The following RBFOX1 variants were observed in gnomAD, a reference collection of about 807,000 sequenced individuals.
RBFOX1 encodes the protein RNA binding protein fox-1 homolog 1.
Under a neutral mutation model 57.7 loss-of-function variants are expected in RBFOX1, and 8 were observed. The observed-to-expected ratio is 0.14, with a 90% CI of 0.08 to 0.25. The LOEUF is 0.25. Among genes scored for constraint, RBFOX1 ranks in the 10% least tolerant of loss-of-function variants. The pLI, the probability that RBFOX1 is intolerant of heterozygous loss-of-function variation, is 1.00. For synonymous variants in RBFOX1, 326 were observed against 222.4 expected (o/e 1.47, Z -4.15); for missense variants, 611 against 548.5 (o/e 1.11, Z -1.14).
At chr16:6,595,257 C>G (rs1399666150) in intron 2 of RBFOX1, among the ~76,000 whole-genome samples, 1 of 152,210 alleles carries the variant, frequency 6.6e-6, no homozygotes, top group Non-Finnish European at 1.5e-5. Context: ...GCATTCTGCT[C>G]TATCTCTATA....
intron 3 of RBFOX1, among the ~76,000 whole-genome samples, chr16:6,676,470 G>C (rs1179048478): frequency 6.6e-6 from 1 of 151,938 alleles, no homozygotes; most frequent in Non-Finnish European, 1.5e-5. Flanking sequence ...GAGGCAGAAA[G>C]GTCCTGAATG....
At position 7,336,259 on chromosome 16, in the gene RBFOX1, G is replaced by C. The variant is rs113470919; in HGVS notation, c.28-181888G>C. ...AAACAACAGCTTTGTAACTGGTTAG[G>C]CTATTTGGTTAGTGTTTGGGTCTAA... On this transcript the variant is annotated intron_variant, in intron 4 of 15. Coordinates refer to ENST00000550418, the MANE Select transcript of RBFOX1 (RefSeq NM_018723.4). Among the ~76,000 whole-genome samples, 586 of 152,280 alleles carry C rather than the reference G, an allele frequency of 3.8e-3. 6 individuals are homozygous for C. The highest frequency in any genetic ancestry group is 0.013 in the African/African-American group (558 of 41,558).
chr16:5,368,951 C>G (rs1357180440), intron 1 of RBFOX1, among the ~76,000 whole-genome samples: 1 of 152,164 alleles, frequency 6.6e-6, no homozygotes, highest in Non-Finnish European at 1.5e-5. Flanking sequence ...AACTTTAGCT[C>G]ACGTTCTTGG....
chr16:6,737,513 G>A (rs1160953881), intron 3 of RBFOX1, among the ~76,000 whole-genome samples: 1 of 152,136 alleles, frequency 6.6e-6, no homozygotes, highest in Non-Finnish European at 1.5e-5. Context: ...ACTACGTGGT[G>A]GCTATGAACT....
Position 6,416,646 on chromosome 16 carries a change from T to C in RBFOX1, c.-64+99589T>C, listed in dbSNP as rs111446302. 3.8e-4 allele frequency among the ~76,000 whole-genome samples: 58 copies of C among 152,290 alleles called. 1 individual carries two copies. Among genetic ancestry groups the C allele is most frequent in the African/African-American group, 1.4e-3 (58 of 41,576 alleles). ...AAGAACCCCAAGGCGTGTGTGCTTT[T>C]AAACAAAAAGAAAGTCTAAGGGAGA... On this transcript the variant is annotated intron_variant, in intron 2 of 15. Transcript: ENST00000550418.
intron 4 of RBFOX1, among the ~76,000 whole-genome samples, chr16:7,339,352 T>C (rs554852961): frequency 3.9e-5 from 6 of 152,308 alleles, no homozygotes; most frequent in East Asian, 1.9e-4. Flanking sequence ...CAACAGGAAG[T>C]TGATATTCTA....
chr16:5,261,242 C>G (rs756614358), intron 1 of RBFOX1, among the ~76,000 whole-genome samples: 1 of 152,184 alleles, frequency 6.6e-6, no homozygotes, highest in Non-Finnish European at 1.5e-5. Flanking sequence ...ACCACCTTTT[C>G]TTTCTGTTCT....
intron 2 of RBFOX1, among the ~76,000 whole-genome samples, chr16:5,565,314 C>T (rs2046026744): frequency 1.3e-5 from 2 of 152,108 alleles, no homozygotes; most frequent in Non-Finnish European, 2.9e-5. Flanking sequence ...TGCATGTGCA[C>T]ATACCACTAC....
Position 6,629,973 on chromosome 16 carries a change from TAAA to T in RBFOX1, c.-63-24620_-63-24618del, listed in dbSNP as rs146210467. On this transcript the variant is annotated intron_variant, in intron 2 of 15. Transcript: ENST00000550418. The stretch of plus-strand genomic sequence containing the variant: ...TATTTCGGTAGGTTTTTTTTTTTTT[TAAA>T]AAAAAAAAAGACCATTGCTTTCAGA... 7.5e-3 allele frequency among the ~76,000 whole-genome samples: 976 copies of T among 129,968 alleles called. 19 individuals carry two copies. Among genetic ancestry groups the T allele is most frequent in the African/African-American group, 0.026 (907 of 35,332 alleles). The allele number at this position is 129,968 out of a possible 152,430, so 85.3% of individuals were successfully genotyped here. A position where few individuals can be genotyped will look rare whatever the true frequency, so the allele number is the denominator to read the frequency against.
intron 1 of RBFOX1, among the ~76,000 whole-genome samples, chr16:6,211,672 A>G (rs904329381): frequency 3.8e-4 from 58 of 152,128 alleles, no homozygotes; most frequent in African/African-American, 1.3e-3. Context: ...CTCTCTAGGT[A>G]TGGCCTTTCC....
chr16:7,257,725 C>T (rs548523047), intron 4 of RBFOX1, among the ~76,000 whole-genome samples: 46 of 152,278 alleles, frequency 3.0e-4, no homozygotes, highest in East Asian at 2.9e-3. Flanking sequence ...CTCTGTTCTG[C>T]ATAGATGTTG....
intron 9 of RBFOX1, among the ~76,000 whole-genome samples, chr16:7,597,751 G>A (rs2271132): frequency 0.91 from 138,145 of 152,240 alleles, 62,917 homozygotes; most frequent in African/African-American, 0.94. Context: ...GAGAATTGGA[G>A]GTTTAGTTTG....
chr16:6,271,528 C>G (rs368379085), intron 1 of RBFOX1, among the ~76,000 whole-genome samples: 3 of 152,116 alleles, frequency 2.0e-5, no homozygotes, highest in Non-Finnish European at 4.4e-5. Flanking sequence ...AAAGAAGAAG[C>G]TGGCTTTTTG....
chr16:7,612,850 G>T (rs1158139863), intron 10 of RBFOX1, among the ~76,000 whole-genome samples: 5 of 152,096 alleles, frequency 3.3e-5, no homozygotes, highest in African/African-American at 4.8e-5. Context: ...TATCATATCT[G>T]CCAACTCATT....
At chr16:5,505,156 A>G (rs1248889441) in intron 2 of RBFOX1, among the ~76,000 whole-genome samples, 1 of 152,206 alleles carries the variant, frequency 6.6e-6, no homozygotes, top group Non-Finnish European at 1.5e-5. Context: ...AAAGCAAGCA[A>G]TGAAAGCTTG....
chr16:7,156,850 G>C (rs1030183223), intron 4 of RBFOX1, among the ~76,000 whole-genome samples: 2 of 152,032 alleles, frequency 1.3e-5, no homozygotes, highest in African/African-American at 4.8e-5. Flanking sequence ...TTAATGGCTA[G>C]ATCGATTTAC....
At chr16:5,962,799 T>C (rs2059774804) in intron 4 of RBFOX1, among the ~76,000 whole-genome samples, 1 of 149,928 alleles carries the variant, frequency 6.7e-6, no homozygotes, top group South Asian at 2.1e-4. Flanking sequence ...GCAGCTACGG[T>C]ATGAGAAGTG....
At chr16:6,261,854 C>CAAAACA (rs113064156) in intron 1 of RBFOX1, among the ~76,000 whole-genome samples, 21,501 of 150,706 alleles carry the variant, frequency 0.14, 2,396 homozygotes, top group African/African-American at 0.3. Context: ...AAAAACAAAA[C>CAAAACA]AAAACAAAAA....
chr16:6,086,431 G>T (rs1471496300), intron 1 of RBFOX1, among the ~76,000 whole-genome samples: 4 of 152,182 alleles, frequency 2.6e-5, no homozygotes, highest in Admixed American at 6.5e-5. Context: ...CAGAGCAGTC[G>T]GTGGTAAAGT....
Sources: allele counts gnomAD v4.1 joint callset (sites outside exome capture counted in the v4.1 genomes callset), GRCh38; gene constraint gnomAD v4.1.1; transcripts MANE v1.5; gene names NCBI Gene and HGNC (gene_info 2026-07-23, HGNC 2026-07-21).